Variants in PSMA1 observed in about 807,000 individuals in gnomAD.
PSMA1 encodes the protein proteasome subunit alpha type-1.
A neutral mutation model predicts 38.4 loss-of-function variants in PSMA1; 3 were observed. That is an observed-to-expected ratio of 0.08 (90% CI 0.04 to 0.20). PSMA1 has a LOEUF of 0.20. Among genes scored for constraint, PSMA1 ranks in the 10% least tolerant of loss-of-function variants. The pLI is 1.00. For missense variants in PSMA1, 227 were observed against 325.3 expected, an observed-to-expected ratio of 0.70 and a Z score of 2.32; for synonymous variants, 101 against 107.1, an observed-to-expected ratio of 0.94 and a Z score of 0.35.
chr11:14,520,564 T>C (rs1851512961), upstream of PSMA1: 1 of 1,185,654 alleles, frequency 8.4e-7, no homozygotes, highest in Middle Eastern at 3.0e-4. Flanking sequence ...TGCCGGCGGC[T>C]GAGAGCTGCG....
intron 1 of PSMA1, among the ~76,000 whole-genome samples, chr11:14,641,596 T>C (rs988034378): frequency 6.6e-6 from 1 of 152,210 alleles, no homozygotes; most frequent in Non-Finnish European, 1.5e-5. Context: ...ATTGAAAGAG[T>C]TGGGCTTGTA....
At chr11:14,509,648 ACCTCAG>A (rs1851307940) in intron 8 of PSMA1, among the ~76,000 whole-genome samples, 1 of 145,914 alleles carries the variant, frequency 6.9e-6, no homozygotes, top group East Asian at 2.0e-4. Context: ...TGATCCACTC[ACCTCAG>A]CCTCCCAAAG....
rs1363388749 is a variant in PSMA1 at position 14,534,453 on chromosome 11, C to T, written c.22-15412G>A. ...TTGCTTTAAACTAGCCTTATCTGCA[C>T]CCACTCCCACCTTTTTAAAATTTTA... On this transcript the variant is annotated intron_variant, in intron 2 of 10. Transcript: ENST00000418988. This position sits in a 1 kb window ranked among gnomAD's most constrained non-coding sequence, Gnocchi z 4.5. Among the ~76,000 whole-genome samples the T allele has an allele frequency of 2.0e-5, 3 of 152,072 alleles. No individual in the cohort carries two copies. Among genetic ancestry groups the T allele is most frequent in the East Asian group, 1.9e-4 (1 of 5,192 alleles).
At chr11:14,518,041 A>C in intron 2 of PSMA1, 60 bp from the exon 3 acceptor site, 1 of 1,284,640 alleles carries the variant, frequency 7.8e-7, no homozygotes, top group Non-Finnish European at 1.1e-6. Context: ...ATTAAAAATT[A>C]GGGTTTTCAA....
At chr11:14,524,312 G>A (rs867361219), upstream of PSMA1, among the ~76,000 whole-genome samples, 9 of 152,000 alleles carry the variant, frequency 5.9e-5, no homozygotes, top group East Asian at 5.8e-4. Flanking sequence ...TGACCTGCAC[G>A]TATACATCCA....
At chr11:14,583,383 G>A (rs545362443) in intron 2 of PSMA1, among the ~76,000 whole-genome samples, 14 of 152,278 alleles carry the variant, frequency 9.2e-5, no homozygotes, top group South Asian at 2.1e-4. Context: ...TCTCTAAGCC[G>A]TGTACACTGG....
chr11:14,533,274 A>G (rs1851669398), intron 2 of PSMA1, among the ~76,000 whole-genome samples: 2 of 152,170 alleles, frequency 1.3e-5, no homozygotes, highest in Admixed American at 1.3e-4. Flanking sequence ...AAGTACCTGG[A>G]ATTATCTCAA....
intron 2 of PSMA1, among the ~76,000 whole-genome samples, chr11:14,538,093 AT>A (rs1851731088): frequency 6.6e-6 from 1 of 151,998 alleles, no homozygotes; most frequent in South Asian, 2.1e-4. Context: ...ATATAAAAAA[AT>A]TTTTTTTCAG....
At chr11:14,573,792 G>C (rs1852178542) in intron 2 of PSMA1, among the ~76,000 whole-genome samples, 1 of 152,222 alleles carries the variant, frequency 6.6e-6, no homozygotes, top group Admixed American at 6.5e-5. Context: ...ATCTCCTTAA[G>C]CTGATAAGCA....
chr11:14,630,335 T>G (rs1345095161), intron 1 of PSMA1, among the ~76,000 whole-genome samples: 1 of 152,216 alleles, frequency 6.6e-6, no homozygotes, highest in African/African-American at 2.4e-5. Flanking sequence ...TTGAGATACG[T>G]CCCATCAATA....
intron 6 of PSMA1, 26 bp downstream of exon 6, chr11:14,513,791 C>T: frequency 3.8e-6 from 6 of 1,562,532 alleles, no homozygotes; most frequent in Non-Finnish European, 5.2e-6. Context: ...AAATCATTAA[C>T]ATATAACAAT....
At chr11:14,521,855 C>T (rs2134154056), upstream of PSMA1, among the ~76,000 whole-genome samples, 1 of 151,824 alleles carries the variant, frequency 6.6e-6, no homozygotes, top group Admixed American at 6.5e-5. Context: ...ATGAGGTTAC[C>T]TTCTCTAATT....
At chr11:14,515,293 G>A (rs1851405621) in intron 4 of PSMA1, among the ~76,000 whole-genome samples, 1 of 152,144 alleles carries the variant, frequency 6.6e-6, no homozygotes, top group South Asian at 2.1e-4. Flanking sequence ...CTCTTGAAAA[G>A]TAGCTAGACT....
chr11:14,596,676 C>A (rs1009887295), intron 2 of PSMA1, among the ~76,000 whole-genome samples: 1 of 152,216 alleles, frequency 6.6e-6, no homozygotes, highest in African/African-American at 2.4e-5. Context: ...AATATACAAT[C>A]ATGTCATCTG....
At chr11:14,550,604 GA>G (rs1259012174) in intron 2 of PSMA1, among the ~76,000 whole-genome samples, 1 of 151,432 alleles carries the variant, frequency 6.6e-6, no homozygotes, top group South Asian at 2.1e-4. Context: ...AACTAGAGAA[GA>G]AAAAAAACAT....
chr11:14,521,599 A>T (rs1291143487), upstream of PSMA1, among the ~76,000 whole-genome samples: 2 of 151,602 alleles, frequency 1.3e-5, no homozygotes, highest in African/African-American at 2.4e-5. Flanking sequence ...CCTGGCCAAC[A>T]TGGTAAAACC....
chr11:14,547,643 C>T (rs1364424852), intron 2 of PSMA1, among the ~76,000 whole-genome samples: 1 of 152,140 alleles, frequency 6.6e-6, no homozygotes, highest in African/African-American at 2.4e-5. Flanking sequence ...TGGACACACA[C>T]TCTGAACAGG....
chr11:14,569,922 C>T (rs1852118245), intron 2 of PSMA1, among the ~76,000 whole-genome samples: 1 of 152,202 alleles, frequency 6.6e-6, no homozygotes, highest in African/African-American at 2.4e-5. Context: ...CAAGTGGGTC[C>T]CTGACCCCCA....
intron 2 of PSMA1, among the ~76,000 whole-genome samples, chr11:14,547,045 G>A (rs1315485985): frequency 6.6e-6 from 1 of 152,190 alleles, no homozygotes; most frequent in Non-Finnish European, 1.5e-5. Context: ...ATAATGAAAT[G>A]ACAACAAATA....
Sources: allele counts gnomAD v4.1 joint callset (sites outside exome capture counted in the v4.1 genomes callset), GRCh38; gene constraint gnomAD v4.1.1; non-coding constraint Gnocchi (gnomAD v3.1); transcripts MANE v1.5; gene names NCBI Gene and HGNC (gene_info 2026-07-23, HGNC 2026-07-21).